The following BCL11A variants were observed in gnomAD, a reference collection of about 807,000 sequenced individuals.
BCL11A encodes B cell CLL/lymphoma 11A.
BCL11A carries 2 observed loss-of-function variants against 55.9 expected under a neutral mutation model. The observed-to-expected ratio is 0.04, with a 90% confidence interval of 0.01 to 0.11. BCL11A has a LOEUF of 0.11. BCL11A is among the 10% of genes least tolerant of loss of function. The pLI is 1.00. For synonymous variants in BCL11A, 465 were observed against 473.4 expected (o/e 0.98, Z 0.23); for missense variants, 817 against 1,137.1 (o/e 0.72, Z 4.05).
intron 2 of BCL11A, among the ~76,000 whole-genome samples, chr2:60,516,001 T>G (rs1668711242): frequency 6.6e-6 from 1 of 152,224 alleles, no homozygotes; most frequent in Non-Finnish European, 1.5e-5. Flanking sequence ...CCCTGGAGTC[T>G]GAAGGGCGGT....
At chr2:60,488,142 C>T (rs1678393409) in intron 2 of BCL11A, among the ~76,000 whole-genome samples, 1 of 152,234 alleles carries the variant, frequency 6.6e-6, no homozygotes, top group Non-Finnish European at 1.5e-5. Context: ...AAGAGTTTGT[C>T]TCACGGGCTG....
intron 2 of BCL11A, among the ~76,000 whole-genome samples, chr2:60,511,084 C>T (rs1478038021): frequency 3.3e-5 from 5 of 152,224 alleles, no homozygotes; most frequent in Non-Finnish European, 5.9e-5. Context: ...CACTGAGATG[C>T]CCATACTCAT....
chr2:60,523,532 T>C (rs1408583028), intron 2 of BCL11A, among the ~76,000 whole-genome samples: 1 of 152,162 alleles, frequency 6.6e-6, no homozygotes. Flanking sequence ...CACAACTATA[T>C]ATATATTCAT....
chr2:60,477,230 G>A (rs1677660494), intron 2 of BCL11A, among the ~76,000 whole-genome samples: 1 of 152,184 alleles, frequency 6.6e-6, no homozygotes, highest in African/African-American at 2.4e-5. Context: ...TGGATGCGAT[G>A]AGAATGATCA....
Position 60,545,978 on chromosome 2 carries a change from G to T in BCL11A, c.378C>A (p.His126Gln), listed in dbSNP as rs764488179. ...SSRGICPKQE[H>Q]IADKLLHWRG... ...TCCTTGCTTCTCATTTACCTGCTAT[G>T]TGTTCCTGTTTGGGGCAAATTCCTC... Residue 126 changes from histidine (H) to glutamine (Q), a missense_variant, in exon 2 of 4, where the codon CAC becomes CAA. His to Gln is a conservative substitution (Grantham distance 24). Coordinates refer to ENST00000642384, the MANE Select transcript of BCL11A (RefSeq NM_022893.4). 5 of 1,613,028 alleles carry T rather than the reference G, an allele frequency of 3.1e-6. No homozygotes were observed. Among genetic ancestry groups the T allele is most frequent in the East Asian group, 2.2e-5 (1 of 44,886 alleles).
chr2:60,502,010 G>A (rs147447917), intron 2 of BCL11A, among the ~76,000 whole-genome samples: 1 of 152,284 alleles, frequency 6.6e-6, no homozygotes, highest in Non-Finnish European at 1.5e-5. Context: ...GTTGCACTAG[G>A]TGAAATCTCA....
At chr2:60,488,076 A>C (rs1678388837) in intron 2 of BCL11A, among the ~76,000 whole-genome samples, 1 of 152,248 alleles carries the variant, frequency 6.6e-6, no homozygotes. Flanking sequence ...GGTTTTAAAA[A>C]CACAGTAACA....
At chr2:60,531,104 G>A (rs2104633347) in intron 2 of BCL11A, among the ~76,000 whole-genome samples, 1 of 151,600 alleles carries the variant, frequency 6.6e-6, no homozygotes, top group East Asian at 1.9e-4. Flanking sequence ...ACCTTCTCCG[G>A]AGCAGATGGA....
downstream of BCL11A, chr2:60,457,131 C>T: frequency 3.5e-6 from 2 of 564,138 alleles, no homozygotes; most frequent in Non-Finnish European, 2.3e-6. Context: ...CTCTTAAAAC[C>T]TGTTATTTTC....
In BCL11A at chr2:60,518,621, C is replaced by A. The variant is rs182680632; in HGVS notation, c.385+27350G>T. Among the ~76,000 whole-genome samples, 11 of 152,294 alleles carry A rather than the reference C, an allele frequency of 7.2e-5. No homozygotes were observed. In the East Asian group the frequency reaches 1.9e-3, roughly 27 times the overall value. On this transcript the variant is annotated intron_variant, in intron 2 of 3. Coordinates refer to ENST00000642384, the MANE Select transcript of BCL11A (RefSeq NM_022893.4). ...TGCTCTAGATCTGAGAATCACCACA[C>A]ACCAGAGAGGGCATGGGAGGTGACA...
intron 2 of BCL11A, among the ~76,000 whole-genome samples, chr2:60,481,864 G>A (rs113514208): frequency 1.3e-4 from 20 of 152,310 alleles, no homozygotes; most frequent in African/African-American, 4.3e-4. Context: ...AGTGAATTGG[G>A]AAAGTGAATG....
chr2:60,499,221 G>C (rs1679132556), intron 2 of BCL11A, among the ~76,000 whole-genome samples: 1 of 152,212 alleles, frequency 6.6e-6, no homozygotes, highest in Admixed American at 6.5e-5. Context: ...GGTAGAGCAA[G>C]ACAGCCATGT....
chr2:60,538,298 C>T (rs539052605), intron 2 of BCL11A: 104 of 152,350 alleles, frequency 6.8e-4, no homozygotes, highest in African/African-American at 2.3e-3. Flanking sequence ...CTGGTGCATA[C>T]GTCAATCGTG....
At chr2:60,489,873 T>C (rs1678521380) in intron 2 of BCL11A, among the ~76,000 whole-genome samples, 1 of 152,212 alleles carries the variant, frequency 6.6e-6, no homozygotes, top group Non-Finnish European at 1.5e-5. Context: ...TGAATTTTGA[T>C]GCCTGCCTTA....
chr2:60,454,290 T>C (rs917875389), downstream of BCL11A, among the ~76,000 whole-genome samples: 1 of 152,334 alleles, frequency 6.6e-6, no homozygotes, highest in African/African-American at 2.4e-5. Context: ...TTATTTTCTA[T>C]TGGGAAATAT....
chr2:60,517,979 T>C (rs1180066260), intron 2 of BCL11A, among the ~76,000 whole-genome samples: 1 of 152,118 alleles, frequency 6.6e-6, no homozygotes, highest in East Asian at 1.9e-4. Flanking sequence ...GGAGAGAAAA[T>C]TTTTAAAAGA....
intron 2 of BCL11A, among the ~76,000 whole-genome samples, chr2:60,503,187 A>T (rs141101562): frequency 3.9e-5 from 6 of 152,334 alleles, no homozygotes; most frequent in Middle Eastern, 6.8e-3. Context: ...TAGTCCCAAG[A>T]TGGAGAAGCC....
At position 60,546,678 on chromosome 2, in the gene BCL11A, A is replaced by G. The variant is rs1232417492; in HGVS notation, c.56-378T>C. Reference sequence around the variant, plus strand: ...CATAAAGAAAGCTTAAATAATAACTACAAGAAAAACTGGTTAAAAAAAAAA... The same window carrying G: ...CATAAAGAAAGCTTAAATAATAACTGCAAGAAAAACTGGTTAAAAAAAAAA... On this transcript the variant is annotated intron_variant, in intron 1 of 3. Transcript: ENST00000642384. The surrounding 1 kb of genome is among the most constrained non-coding windows in gnomAD (Gnocchi z 4.1). Among the ~76,000 whole-genome samples, 2 of 152,170 alleles carry G rather than the reference A, an allele frequency of 1.3e-5. No individual in the cohort carries two copies. Among genetic ancestry groups the G allele is most frequent in the African/African-American group, 4.8e-5 (2 of 41,434 alleles).
At chr2:60,513,025 T>C (rs759740830) in intron 2 of BCL11A, among the ~76,000 whole-genome samples, 3 of 151,978 alleles carry the variant, frequency 2.0e-5, no homozygotes, top group Non-Finnish European at 2.9e-5. Context: ...CACCACCACC[T>C]CTGGTTACCC....
Sources: gnomAD v4.1 joint callset for allele counts (sites outside exome capture counted in the v4.1 genomes callset) on GRCh38, gnomAD v4.1.1 for gene constraint, Gnocchi (gnomAD v3.1) non-coding constraint, MANE v1.5 for transcripts, NCBI Gene and HGNC (gene_info 2026-07-23, HGNC 2026-07-21) for gene names.